OR8D1: variants seen among roughly 807,000 people sequenced by gnomAD.
The protein encoded by OR8D1 is olfactory receptor 8D1.
For synonymous variants in OR8D1, 143 were observed against 147.0 expected (o/e 0.97, Z 0.20); for missense variants, 384 against 366.8 (o/e 1.05, Z -0.38).
chr11:124,313,196 G>GGAAA (rs34920915), intron 1 of OR8D1, among the ~76,000 whole-genome samples: 12,383 of 137,804 alleles, frequency 0.09, 1,671 homozygotes, highest in African/African-American at 0.3. Context: ...AAAGAAGGAA[G>GGAAA]GAAAGAAAGA....
In OR8D1 at chr11:124,309,606, G is replaced by A. The variant is rs10790668; in HGVS notation, c.*234C>T. ...GTCTTTTCTATCACAATTGGTAAAA[G>A]AAATTAAAACTACCTAGACCTTAGT... On this transcript the variant is annotated 3_prime_UTR_variant, in exon 3 of 3. Transcript: ENST00000641015. 0.34 allele frequency: 87,935 copies of A among 259,370 alleles called. 15,833 individuals are homozygous for A. The highest frequency in any genetic ancestry group is 0.41 in the East Asian group (5,893 of 14,418). 16.1% of individuals were successfully genotyped at this position (259,370 alleles called of 1,614,324 possible).
In OR8D1 at chr11:124,303,407, G is replaced by A. The variant is rs1377201407; in HGVS notation, c.*6433C>T. On this transcript the variant is annotated 3_prime_UTR_variant, in exon 3 of 3. Coordinates refer to ENST00000641015, the MANE Select transcript of OR8D1 (RefSeq NM_001002917.2). ...GTCCTTGACATGTAGTATAGTAAAC[G>A]GTCGTATTTGGCTGATTCTGTGAAG... 6.6e-6 allele frequency: 1 copy of A among 151,920 alleles called. No homozygotes were observed. The highest frequency in any genetic ancestry group is 2.4e-5 in the African/African-American group (1 of 41,368). The allele number at this position is 151,920 out of a possible 1,614,324, so 9.4% of individuals were successfully genotyped here.
rs1284513442 is a variant in OR8D1, at chr11:124,303,617, G to A, written c.*6223C>T. 3 of 151,866 alleles carry A rather than the reference G, an allele frequency of 2.0e-5. No individual in the cohort carries two copies. Among genetic ancestry groups the A allele is most frequent in the African/African-American group, 7.3e-5 (3 of 41,366 alleles). 9.4% of individuals were successfully genotyped at this position (151,866 alleles called of 1,614,324 possible). ...GTTATCCTTTTCTGATTTGTAGCTT[G>A]CCTTTAGCTTTATGTATGATGCCTT... On this transcript the variant is annotated 3_prime_UTR_variant, in exon 3 of 3. Coordinates refer to ENST00000641015, the MANE Select transcript of OR8D1 (RefSeq NM_001002917.2).
In OR8D1 at chr11:124,307,935, T is replaced by A. The variant is rs1433518736; in HGVS notation, c.*1905A>T. 2.0e-5 allele frequency: 3 copies of A among 151,550 alleles called. No individual in the cohort carries two copies. The highest frequency in any genetic ancestry group is 4.4e-5 in the Non-Finnish European group (3 of 67,850). 9.4% of individuals were successfully genotyped at this position (151,550 alleles called of 1,614,324 possible). On this transcript the variant is annotated 3_prime_UTR_variant, in exon 3 of 3. Transcript: ENST00000641015. ...TAGATTTCACTCATGAACCAAAAAATAAAAAATAAAAATAAAAATAACGGG... is the reference window on the plus strand; with the variant it reads ...TAGATTTCACTCATGAACCAAAAAAAAAAAAATAAAAATAAAAATAACGGG...
rs1048294376 is a variant in OR8D1 at position 124,304,025 on chromosome 11, C to T, written c.*5815G>A. 2.0e-5 allele frequency: 3 copies of T among 151,642 alleles called. No individual in the cohort carries two copies. The highest frequency in any genetic ancestry group is 4.4e-5 in the Non-Finnish European group (3 of 67,826). 9.4% of individuals were successfully genotyped at this position (151,642 alleles called of 1,614,324 possible). ...TAAATAAAATTGTATTGTACAAGAC[C>T]ACATTCATTCATTACAATATAATAG... On this transcript the variant is annotated 3_prime_UTR_variant, in exon 3 of 3. Coordinates refer to ENST00000641015, the MANE Select transcript of OR8D1 (RefSeq NM_001002917.2).
chr11:124,307,318 T>C lies in OR8D1; in HGVS notation c.*2522A>G, dbSNP rs1347160145. 1 of 151,080 alleles carries C rather than the reference T, an allele frequency of 6.6e-6. No homozygotes were observed. The highest frequency in any genetic ancestry group is 2.4e-5 in the African/African-American group (1 of 41,410). The allele number at this position is 151,080 out of a possible 1,614,324, so 9.4% of individuals were successfully genotyped here. A position where few individuals can be genotyped will look rare whatever the true frequency, so the allele number is the denominator to read the frequency against. ...GTTTATGTGTAACTTTTAACTGTAG[T>C]GATCCCAGCAGGCAGCTGTGGTTCC... On this transcript the variant is annotated 3_prime_UTR_variant, in exon 3 of 3. Transcript: ENST00000641015.
rs1463399964 is a variant in OR8D1 at position 124,304,280 on chromosome 11, AT to A, written c.*5559del. ...CTATTCTTGCACTTGAAATAAATTG[AT>A]TTATACTGTGTGTACTCTTGTGTTT... On this transcript the variant is annotated 3_prime_UTR_variant, in exon 3 of 3. Transcript: ENST00000641015. The A allele has an allele frequency of 2.0e-5, 3 of 151,838 alleles. No individual in the cohort carries two copies. The highest frequency in any genetic ancestry group is 4.4e-5 in the Non-Finnish European group (3 of 67,892). 9.4% of individuals were successfully genotyped at this position (151,838 alleles called of 1,614,324 possible).
chr11:124,311,380 G>C (rs1016416102), intron 2 of OR8D1, among the ~76,000 whole-genome samples, 192 bp downstream of exon 2: 1 of 152,054 alleles, frequency 6.6e-6, no homozygotes, highest in African/African-American at 2.4e-5. Flanking sequence ...GCTGGAGAAG[G>C]GTGGGGGAGG....
chr11:124,309,838 A>T lies in OR8D1; in HGVS notation c.*2T>A. On this transcript the variant is annotated 3_prime_UTR_variant, in exon 3 of 3. Coordinates refer to ENST00000641015, the MANE Select transcript of OR8D1 (RefSeq NM_001002917.2). Reference sequence around the variant, plus strand: ...CCATCTATAAATCCCCCAAATCAGGACTCATTTTCCTACTAAGACCTTCCT... The same window carrying T: ...CCATCTATAAATCCCCCAAATCAGGTCTCATTTTCCTACTAAGACCTTCCT... 5 of 1,420,788 alleles carry T rather than the reference A, an allele frequency of 3.5e-6. No individual in the cohort carries two copies. Among genetic ancestry groups the T allele is most frequent in the Non-Finnish European group, 4.6e-6 (5 of 1,079,366 alleles). 88.0% of individuals were successfully genotyped at this position (1,420,788 alleles called of 1,614,324 possible). A position where few individuals can be genotyped will look rare whatever the true frequency, so the allele number is the denominator to read the frequency against.
At chr11:124,312,518 C>CTTT (rs201492454) in intron 1 of OR8D1, among the ~76,000 whole-genome samples, 146 of 132,736 alleles carry the variant, frequency 1.1e-3, no homozygotes, top group African/African-American at 3.9e-3. Flanking sequence ...TTCTTTCTTT[C>CTTT]TTTTTTTTTT....
rs141985504 is a variant in OR8D1 at position 124,310,304 on chromosome 11, A to T, written c.463T>A (p.Ser155Thr). Residue 155 changes from serine to threonine, a missense_variant, in exon 3 of 3, where the codon TCT becomes ACT. Physicochemically the swap from Ser to Thr is moderately conservative, Grantham distance 58. Coordinates refer to ENST00000641015, the MANE Select transcript of OR8D1 (RefSeq NM_001002917.2). ...VLAAFFLGFL[S>T]ALTHTSAMMK... Reference sequence around the variant, plus strand: ...ATGGCACTTGTATGAGTCAAGGCAGAGAGAAAGCCCAAGAAGAAGGCAGCC... The same window carrying T: ...ATGGCACTTGTATGAGTCAAGGCAGTGAGAAAGCCCAAGAAGAAGGCAGCC... 6 of 1,613,738 alleles carry T rather than the reference A, an allele frequency of 3.7e-6. No homozygotes were observed. In the Admixed American group the frequency reaches 6.7e-5, roughly 18 times the overall value.
chr11:124,305,031 T>C lies in OR8D1; in HGVS notation c.*4809A>G, dbSNP rs1382786696. 1.3e-5 allele frequency: 2 copies of C among 151,908 alleles called. No individual in the cohort carries two copies. Among genetic ancestry groups the C allele is most frequent in the African/African-American group, 4.8e-5 (2 of 41,410 alleles). 9.4% of individuals were successfully genotyped at this position (151,908 alleles called of 1,614,324 possible). ...CCTTCTGTAATCAATCTCTAGTTAGTGTGTGTGTATGGTGTCAGGCATTGA... is the reference window on the plus strand; with the variant it reads ...CCTTCTGTAATCAATCTCTAGTTAGCGTGTGTGTATGGTGTCAGGCATTGA... On this transcript the variant is annotated 3_prime_UTR_variant, in exon 3 of 3. Coordinates refer to ENST00000641015, the MANE Select transcript of OR8D1 (RefSeq NM_001002917.2).
At position 124,310,389 on chromosome 11, in the gene OR8D1, G is replaced by C. The variant is rs142516882; in HGVS notation, c.378C>G (p.Ile126Met). ...TAMAYDRYVA[I>M]CSPLLYNAIM... ...TCGCATTATAAAGCAGTGGGCTACA[G>C]ATGGCAACATAGCGATCATATGCCA... The change falls in exon 3 of 3, where the codon ATC (isoleucine) becomes ATG (methionine). Residue 126 changes from isoleucine to methionine, a missense_variant. Ile to Met is a conservative substitution (Grantham distance 10). Coordinates refer to ENST00000641015, the MANE Select transcript of OR8D1 (RefSeq NM_001002917.2). 73 of 1,613,368 alleles carry C rather than the reference G, an allele frequency of 4.5e-5. No individual in the cohort carries two copies. In the African/African-American group the frequency reaches 8.7e-4, roughly 19 times the overall value.
chr11:124,313,105 C>T (rs990601997), intron 1 of OR8D1, among the ~76,000 whole-genome samples: 2 of 151,096 alleles, frequency 1.3e-5, no homozygotes, highest in Admixed American at 6.6e-5. Flanking sequence ...ACCTGGGAGG[C>T]AGAGGTTGCA....
intron 2 of OR8D1, 83 bp from the exon 3 acceptor site, chr11:124,310,865 G>T: frequency 1.2e-6 from 1 of 807,094 alleles, no homozygotes; most frequent in Non-Finnish European, 2.0e-6. Context: ...AAGGGAGGTT[G>T]ACAGCAGCTA....
rs1233386911 is a variant in OR8D1 at position 124,310,797 on chromosome 11, A to G, written c.-16-15T>C. 1.3e-6 allele frequency: 2 copies of G among 1,547,210 alleles called. No individual in the cohort carries two copies. The highest frequency in any genetic ancestry group is 1.8e-6 in the Non-Finnish European group (2 of 1,133,090). On this transcript the variant is annotated splice_polypyrimidine_tract_variant and intron_variant, in intron 2 of 2. Transcript: ENST00000641015. ...TTTAGGCATTTCTGTGAAAATAGAA[A>G]GTATGAATTACCTTAACATGGACCC...
rs540036334 is a variant in OR8D1 at position 124,312,777 on chromosome 11, C to G, written c.-122+944G>C. ...AGGTGATCCACCCACCTCGGCCTCC[C>G]AAAGTGCTGGGAGAACATTTCTTTA... On this transcript the variant is annotated intron_variant, in intron 1 of 2. Coordinates refer to ENST00000641015, the MANE Select transcript of OR8D1 (RefSeq NM_001002917.2). Among the ~76,000 whole-genome samples, 4 of 151,948 alleles carry G rather than the reference C, an allele frequency of 2.6e-5. No individual in the cohort carries two copies. In the South Asian group the frequency reaches 8.3e-4, roughly 32 times the overall value.
chr11:124,313,178 G>T (rs1862437366), intron 1 of OR8D1, among the ~76,000 whole-genome samples: 1 of 135,720 alleles, frequency 7.4e-6, no homozygotes, highest in Non-Finnish European at 1.5e-5. Flanking sequence ...CATCTCGAAA[G>T]GAAAGAAAAA....
rs1467896647 is a variant in OR8D1, at chr11:124,310,744, A to G, written c.23T>C (p.Met8Thr). 3.1e-6 allele frequency: 5 copies of G among 1,611,358 alleles called. No homozygotes were observed. The highest frequency in any genetic ancestry group is 1.1e-5 in the South Asian group (1 of 90,890). The part of the protein sequence containing the change: MTMENYS[M>T]AAQFVLDGLT... ...ACCATCTAAGACAAACTGAGCTGCC[A>G]TAGAATAATTTTCCATGGTCATTCT... The change falls in exon 3 of 3, where the codon ATG becomes ACG. Residue 8 changes from methionine (M) to threonine (T), a missense_variant. Physicochemically the swap from Met to Thr is moderately conservative, Grantham distance 81. Coordinates refer to ENST00000641015, the MANE Select transcript of OR8D1 (RefSeq NM_001002917.2).
Sources: allele counts gnomAD v4.1 joint callset (sites outside exome capture counted in the v4.1 genomes callset), GRCh38; gene constraint gnomAD v4.1.1; transcripts MANE v1.5; gene names NCBI Gene and HGNC (gene_info 2026-07-23, HGNC 2026-07-21).